The following PTK2 variants were observed in gnomAD, a reference collection of about 807,000 sequenced individuals.
The protein encoded by PTK2 is protein tyrosine kinase 2, also known as focal adhesion kinase 1.
A neutral mutation model predicts 150.1 loss-of-function variants in PTK2; 45 were observed. The observed-to-expected ratio is 0.30, with a 90% CI of 0.24 to 0.38. PTK2 has a LOEUF of 0.38. Ranked by LOEUF, PTK2 falls within the 10% of genes least tolerant of loss-of-function variation. The pLI, the probability that PTK2 is intolerant of heterozygous loss-of-function variation, is 1.00. For synonymous variants in PTK2, 432 were observed against 449.2 expected (o/e 0.96, Z 0.48); for missense variants, 919 against 1,307.3 (o/e 0.70, Z 4.58).
chr8:140,860,732 C>T (rs1487053358), intron 5 of PTK2, among the ~76,000 whole-genome samples: 3 of 152,198 alleles, frequency 2.0e-5, no homozygotes, highest in Admixed American at 1.3e-4. Context: ...CCTCGGCCTC[C>T]CAAAGTGCTG....
chr8:140,708,476 C>T (rs78899518), intron 23 of PTK2, among the ~76,000 whole-genome samples: 54 of 152,308 alleles, frequency 3.5e-4, no homozygotes, highest in African/African-American at 1.2e-3. Context: ...CTTTTTCACA[C>T]CCTACCTTCG....
At chr8:140,692,369 C>A (rs537738049) in intron 26 of PTK2, among the ~76,000 whole-genome samples, 1 of 152,304 alleles carries the variant, frequency 6.6e-6, no homozygotes, top group African/African-American at 2.4e-5. Context: ...GTAATCCCAG[C>A]ACTATGGGAG....
intron 1 of PTK2, among the ~76,000 whole-genome samples, chr8:140,947,807 T>C (rs544573706): frequency 6.6e-6 from 1 of 152,196 alleles, no homozygotes; most frequent in African/African-American, 2.4e-5. Flanking sequence ...CTGATGTTAA[T>C]AGCCAGGGGT....
chr8:140,853,346 C>A (rs1420970996), intron 5 of PTK2, among the ~76,000 whole-genome samples: 1 of 104,858 alleles, frequency 9.5e-6, no homozygotes, highest in Non-Finnish European at 1.8e-5. Flanking sequence ...CCCCCTCCCC[C>A]CACCCCACGA....
chr8:140,689,932 A>G (rs1023116264), intron 26 of PTK2, among the ~76,000 whole-genome samples: 5 of 152,120 alleles, frequency 3.3e-5, no homozygotes, highest in Admixed American at 6.5e-5. Flanking sequence ...AGCAGAAAGG[A>G]CAAGTTTTTA....
chr8:140,994,471 T>G (rs1408798256), intron 1 of PTK2, among the ~76,000 whole-genome samples: 1 of 152,192 alleles, frequency 6.6e-6, no homozygotes, highest in African/African-American at 2.4e-5. Flanking sequence ...ATTTCAAACT[T>G]TCTCATTATT....
chr8:140,803,683 C>T lies in PTK2; in HGVS notation c.868-33G>A, dbSNP rs115390894. 1,380 of 1,560,998 alleles carry T rather than the reference C, an allele frequency of 8.8e-4. 8 individuals are homozygous for T. In the African/African-American group the frequency reaches 0.016, roughly 18 times the overall value. On this transcript the variant is annotated intron_variant, in intron 10 of 31. Transcript: ENST00000522684. ...AAGGAAAGGTAAAATCTTTAGACTACGGATAAAAAACTCATTTCACAGAGT... is the reference window on the plus strand; with the variant it reads ...AAGGAAAGGTAAAATCTTTAGACTATGGATAAAAAACTCATTTCACAGAGT...
At chr8:140,731,054 G>C (rs2100049000) in intron 22 of PTK2, among the ~76,000 whole-genome samples, 1 of 146,604 alleles carries the variant, frequency 6.8e-6, no homozygotes, top group African/African-American at 2.5e-5. Context: ...TGCCTCCCCA[G>C]GTTCAAGCGA....
rs187451034 is a variant in PTK2, at chr8:140,766,624, G to A, written c.1178-2334C>T. On this transcript the variant is annotated intron_variant, in intron 14 of 31. Transcript: ENST00000522684. ...CAGCTAAAACAGTGTCTAGCACAGA[G>A]AAGGTCCCTCAAGAAACACATGCTA... Among the ~76,000 whole-genome samples, 5 of 152,314 alleles carry A rather than the reference G, an allele frequency of 3.3e-5. No homozygotes were observed. In the East Asian group the frequency reaches 7.7e-4, roughly 23 times the overall value.
chr8:140,886,404 T>C (rs1039472213), intron 3 of PTK2, among the ~76,000 whole-genome samples: 1 of 152,114 alleles, frequency 6.6e-6, no homozygotes, highest in African/African-American at 2.4e-5. Flanking sequence ...GACAGCTGGG[T>C]AGCACTAAGG....
intron 7 of PTK2, among the ~76,000 whole-genome samples, 172 bp from the exon 8 acceptor site, chr8:140,830,698 A>T (rs1216481561): frequency 6.6e-6 from 1 of 152,204 alleles, no homozygotes; most frequent in Non-Finnish European, 1.5e-5. Flanking sequence ...GAAGGATGGG[A>T]CAAATCATTT....
At chr8:140,743,415 A>C in intron 19 of PTK2, 85 bp from the exon 23 acceptor site, 2 of 933,052 alleles carry the variant, frequency 2.1e-6, no homozygotes. Flanking sequence ...ACCAATAGGC[A>C]CTTTGAAAGA....
rs181053888 is a variant in PTK2, at chr8:140,756,345, A to G, written c.1333-4029T>C. On this transcript the variant is annotated intron_variant, in intron 16 of 31. Coordinates refer to ENST00000522684, the Ensembl canonical transcript of PTK2. ...CTCAAAAAAAAAAAAAAAGAAAAAGATATTTAACAAAATGTGAATCCTTGG... is the reference window on the plus strand; with the variant it reads ...CTCAAAAAAAAAAAAAAAGAAAAAGGTATTTAACAAAATGTGAATCCTTGG... Among the ~76,000 whole-genome samples, 1,445 of 151,516 alleles carry G rather than the reference A, an allele frequency of 9.5e-3. 19 individuals are homozygous for G. The highest frequency in any genetic ancestry group is 0.016 in the Non-Finnish European group (1,068 of 67,892).
At chr8:140,666,014 T>C (rs1242262066) in intron 30 of PTK2, among the ~76,000 whole-genome samples, 1 of 152,204 alleles carries the variant, frequency 6.6e-6, no homozygotes, top group Admixed American at 6.5e-5. Context: ...TAAGAAGCTG[T>C]TGCAAAGATT....
At position 140,846,393 on chromosome 8, in the gene PTK2, G is replaced by A. The variant is rs183558903; in HGVS notation, c.531-71C>T. ...TTTGTGTTGTTAAGTGATAAAAACT[G>A]GGGGAGAGGCATCTGAATAATAAAC... On this transcript the variant is annotated intron_variant, in intron 6 of 31. Coordinates refer to ENST00000522684, the Ensembl canonical transcript of PTK2. 8.9e-6 allele frequency: 13 copies of A among 1,466,418 alleles called. No individual in the cohort carries two copies. In the East Asian group the frequency reaches 3.0e-4, roughly 33 times the overall value. The allele number at this position is 1,466,418 out of a possible 1,614,324, so 90.8% of individuals were successfully genotyped here.
At chr8:140,973,904 T>G (rs527527807) in intron 1 of PTK2, among the ~76,000 whole-genome samples, 2 of 152,314 alleles carry the variant, frequency 1.3e-5, no homozygotes, top group South Asian at 4.1e-4. Context: ...TCATTTCTTA[T>G]ATCTTTGCCC....
At chr8:140,825,995 A>C (rs1182362937) in intron 8 of PTK2, among the ~76,000 whole-genome samples, 1 of 152,256 alleles carries the variant, frequency 6.6e-6, no homozygotes, top group Non-Finnish European at 1.5e-5. Flanking sequence ...TTGGCATAAA[A>C]CATAGCTAAT....
chr8:140,909,696 A>G (rs2154607945), intron 2 of PTK2: 1 of 152,328 alleles, frequency 6.6e-6, no homozygotes, highest in Middle Eastern at 3.4e-3. Context: ...CATTCAACAG[A>G]CAATAACAGT....
Position 140,739,113 on chromosome 8 carries a change from A to C in PTK2, c.1736-6T>G. 6.6e-7 allele frequency: 1 copy of C among 1,521,520 alleles called. No individual in the cohort carries two copies. Among genetic ancestry groups the C allele is most frequent in the Non-Finnish European group, 8.9e-7 (1 of 1,129,042 alleles). The allele number at this position is 1,521,520 out of a possible 1,614,324, so 94.3% of individuals were successfully genotyped here. A position where few individuals can be genotyped will look rare whatever the true frequency, so the allele number is the denominator to read the frequency against. On this transcript the variant is annotated splice_polypyrimidine_tract_variant and splice_region_variant and intron_variant, in intron 20 of 31. Transcript: ENST00000522684. ...AGGCAATTTTCCTTTGGAAGCTAGA[A>C]GATTAATTTTAGAAAATAAATTTTC...
Sources: gnomAD v4.1 joint callset for allele counts (sites outside exome capture counted in the v4.1 genomes callset) on GRCh38, gnomAD v4.1.1 for gene constraint, MANE v1.5 for transcripts, NCBI Gene and HGNC (gene_info 2026-07-23, HGNC 2026-07-21) for gene names.